DACH1: variants seen among roughly 807,000 people sequenced by gnomAD.
DACH1 encodes the protein dachshund family transcription factor 1, also known as dachshund homolog 1.
In DACH1, 12 loss-of-function variants were observed where a neutral mutation model predicts 54.2. The ratio of observed to expected loss-of-function variants is 0.22; its 90% CI spans 0.14 to 0.36. The LOEUF (loss-of-function observed/expected upper bound fraction) is 0.36, where lower values mean the gene tolerates loss of function less well. DACH1 is among the 10% of genes least tolerant of loss of function. The pLI is 1.00. For missense variants in DACH1, 805 were observed against 929.8 expected, an observed-to-expected ratio of 0.87 and a Z score of 1.75; for synonymous variants, 386 against 366.2, an observed-to-expected ratio of 1.05 and a Z score of -0.62.
intron 3 of DACH1, among the ~76,000 whole-genome samples, chr13:71,620,044 G>A (rs143704157): frequency 6.6e-6 from 1 of 151,824 alleles, no homozygotes; most frequent in African/African-American, 2.4e-5. Context: ...GATTGCTAAA[G>A]AAAATAATTT....
Position 71,489,104 on chromosome 13 carries a change from T to C in DACH1, c.1615A>G (p.Lys539Glu). Residue 539 changes from lysine (K) to glutamate (E), a missense_variant, in exon 7 of 11, where the codon AAA becomes GAA. Physicochemically the swap from Lys to Glu is moderately conservative, Grantham distance 56. Coordinates refer to ENST00000613252, the MANE Select transcript of DACH1 (RefSeq NM_080759.6). ...STPTARDSLDKLSLTGHGQPL... is the reference protein window; with the variant it reads ...STPTARDSLDELSLTGHGQPL... ...TGTCCATGCCCAGTTAGAGAGAGTT[T>C]GTCAAGGCTGTCTCTTGCGGTTGGT... The C allele has an allele frequency of 6.2e-7, 1 of 1,613,748 alleles. No homozygotes were observed. The highest frequency in any genetic ancestry group is 2.2e-5 in the East Asian group (1 of 44,862).
chr13:71,866,293 ACTGCTGCTGCTGCTACTACTGCTG>A lies in DACH1; in HGVS notation c.453_476del (p.Ser156_Ser163del). On this transcript the variant is annotated inframe_deletion, in exon 1 of 11. Transcript: ENST00000613252. ...GGAGGGGGCCGCAGCTGCTGCTGCT[ACTGCTGCTGCTGCTACTACTGCTG>A]CTGCTGCTGCTGCTGCTACTGCTGC... 5.7e-6 allele frequency: 9 copies of A among 1,566,780 alleles called. No individual in the cohort carries two copies. Among genetic ancestry groups the A allele is most frequent in the Middle Eastern group, 1.8e-4 (1 of 5,492 alleles).
intron 6 of DACH1, among the ~76,000 whole-genome samples, chr13:71,552,271 T>C (rs1461730473): frequency 6.6e-6 from 1 of 152,162 alleles, no homozygotes; most frequent in Non-Finnish European, 1.5e-5. Context: ...TTACATCACA[T>C]TGGACTACTT....
intron 1 of DACH1, among the ~76,000 whole-genome samples, chr13:71,848,464 T>G (rs1426651179): frequency 5.3e-5 from 8 of 152,152 alleles, no homozygotes; most frequent in Non-Finnish European, 1.0e-4. Flanking sequence ...CAAAAATAGA[T>G]TTTTCTTCGT....
chr13:71,765,881 T>C (rs969784408), intron 1 of DACH1, among the ~76,000 whole-genome samples: 2 of 127,156 alleles, frequency 1.6e-5, no homozygotes, highest in African/African-American at 5.9e-5. Context: ...CTTCTTCTTC[T>C]TCATTTTTTT....
At position 71,438,645 on chromosome 13, in the gene DACH1, C is replaced by G. The variant is rs528433942; in HGVS notation, c.*2010G>C. ...AGGAGCAGAGCAATGGCTGATTCTA[C>G]TACATATGTAAGTTGTAGGCTTTTT... On this transcript the variant is annotated 3_prime_UTR_variant, in exon 11 of 11. Coordinates refer to ENST00000613252, the MANE Select transcript of DACH1 (RefSeq NM_080759.6). The G allele has an allele frequency of 4.6e-5, 7 of 152,484 alleles. No individual in the cohort carries two copies. The highest frequency in any genetic ancestry group is 3.9e-4 in the Admixed American group (6 of 15,260). 9.4% of individuals were successfully genotyped at this position (152,484 alleles called of 1,614,324 possible).
intron 10 of DACH1, among the ~76,000 whole-genome samples, chr13:71,449,032 CCA>C (rs967177305): frequency 8.6e-5 from 13 of 152,026 alleles, no homozygotes; most frequent in African/African-American, 3.1e-4. Flanking sequence ...TCCAAATACA[CCA>C]CAATAAGAAA....
chr13:71,709,908 C>T (rs532778389), intron 1 of DACH1, among the ~76,000 whole-genome samples: 325 of 152,182 alleles, frequency 2.1e-3, no homozygotes, highest in Non-Finnish European at 1.7e-3. Flanking sequence ...GGTGGAGTGG[C>T]GTGATCACGG....
rs76421176 is a variant in DACH1 at position 71,457,688 on chromosome 13, C to T, written c.2084-16996G>A. Among the ~76,000 whole-genome samples, 4 of 152,022 alleles carry T rather than the reference C, an allele frequency of 2.6e-5. No homozygotes were observed. In the East Asian group the frequency reaches 7.7e-4, roughly 29 times the overall value. Reference sequence around the variant, plus strand: ...TTCGTTGCTCTTATTACTGTCTTTTCTTTGTGGAAGGATGAAGTGGAGAGT... The same window carrying T: ...TTCGTTGCTCTTATTACTGTCTTTTTTTTGTGGAAGGATGAAGTGGAGAGT... On this transcript the variant is annotated intron_variant, in intron 10 of 10. Coordinates refer to ENST00000613252, the MANE Select transcript of DACH1 (RefSeq NM_080759.6).
chr13:71,806,783 T>C (rs1008488653), intron 1 of DACH1, among the ~76,000 whole-genome samples: 4 of 152,198 alleles, frequency 2.6e-5, no homozygotes, highest in Admixed American at 2.0e-4. Flanking sequence ...TACTTCTCTA[T>C]GTAGTCTAAG....
rs531384075 is a variant in DACH1, at chr13:71,481,807, C to T, written c.1723-2491G>A. ...AAGCAATAGGATGTAGTGTTCAGAA[C>T]ATCTACAAATCTTTAGGACACCATT... On this transcript the variant is annotated intron_variant, in intron 7 of 10. Transcript: ENST00000613252. 2.0e-5 allele frequency among the ~76,000 whole-genome samples: 3 copies of T among 152,280 alleles called. No individual in the cohort carries two copies. The South Asian group carries it at 6.2e-4, about 32-fold the overall frequency.
At chr13:71,531,996 C>T (rs543087562) in intron 6 of DACH1, among the ~76,000 whole-genome samples, 91 of 151,900 alleles carry the variant, frequency 6.0e-4, no homozygotes, top group South Asian at 2.1e-3. Flanking sequence ...GTGTCTTGTG[C>T]ATATTAGGCA....
At chr13:71,681,427 C>G (rs1382288230) in intron 2 of DACH1, among the ~76,000 whole-genome samples, 1 of 152,082 alleles carries the variant, frequency 6.6e-6, no homozygotes, top group Non-Finnish European at 1.5e-5. Context: ...AGTTTAAAAT[C>G]CAAAGACTTG....
At chr13:71,564,529 G>A (rs369729418) in intron 4 of DACH1, among the ~76,000 whole-genome samples, 1 of 149,302 alleles carries the variant, frequency 6.7e-6, no homozygotes, top group Non-Finnish European at 1.5e-5. Flanking sequence ...GACAAAAAAG[G>A]AAAAGCTGCA....
Position 71,555,853 on chromosome 13 carries a change from CAA to C in DACH1, c.1570+1169_1570+1170del, listed in dbSNP as rs138978582. Among the ~76,000 whole-genome samples, 817 of 152,192 alleles carry C rather than the reference CAA, an allele frequency of 5.4e-3. 5 individuals are homozygous for C. The highest frequency in any genetic ancestry group is 0.019 in the African/African-American group (777 of 41,520). The stretch of plus-strand genomic sequence containing the variant: ...GCCTAATATAAATAGCACTTGATAT[CAA>C]GTTTCACAATAAATAATGTAAAAAT... On this transcript the variant is annotated intron_variant, in intron 6 of 10. Coordinates refer to ENST00000613252, the MANE Select transcript of DACH1 (RefSeq NM_080759.6).
intron 1 of DACH1, among the ~76,000 whole-genome samples, chr13:71,825,967 T>C (rs942994833): frequency 6.6e-6 from 1 of 152,102 alleles, no homozygotes; most frequent in Non-Finnish European, 1.5e-5. Context: ...TGCAAACAGC[T>C]GTATCCATGC....
At chr13:71,624,520 T>C (rs73521281) in intron 3 of DACH1, among the ~76,000 whole-genome samples, 1,588 of 152,090 alleles carry the variant, frequency 0.01, 29 homozygotes, top group African/African-American at 0.036. Flanking sequence ...AGACTGGCTG[T>C]TAATATTGTT....
chr13:71,715,998 A>G (rs1328296390), intron 1 of DACH1, among the ~76,000 whole-genome samples: 1 of 152,030 alleles, frequency 6.6e-6, no homozygotes, highest in Non-Finnish European at 1.5e-5. Context: ...CTCAAATTCA[A>G]CATGTCTGAT....
At chr13:71,536,299 A>G (rs1269649786) in intron 6 of DACH1, among the ~76,000 whole-genome samples, 3 of 152,146 alleles carry the variant, frequency 2.0e-5, no homozygotes, top group African/African-American at 7.2e-5. Context: ...ATCTTTCTCA[A>G]GCGCAATTTT....
Sources: allele counts gnomAD v4.1 joint callset (sites outside exome capture counted in the v4.1 genomes callset), GRCh38; gene constraint gnomAD v4.1.1; transcripts MANE v1.5; gene names NCBI Gene and HGNC (gene_info 2026-07-23, HGNC 2026-07-21).